Variants in RAB27B observed in about 807,000 individuals in gnomAD.
The protein encoded by RAB27B is ras-related protein Rab-27B.
RAB27B carries 15 observed loss-of-function variants against 24.6 expected under a neutral mutation model. That is an observed-to-expected ratio of 0.61 (90% CI 0.41 to 0.94). The LOEUF is 0.94. Ranked by LOEUF, RAB27B falls within the 40% of genes least tolerant of loss-of-function variation. RAB27B has a pLI of 0.00. For synonymous variants in RAB27B, 105 were observed against 92.5 expected (o/e 1.14, Z -0.78); for missense variants, 261 against 266.8 (o/e 0.98, Z 0.15).
intron 2 of RAB27B, among the ~76,000 whole-genome samples, chr18:54,753,180 G>T (rs950454700): frequency 3.3e-5 from 5 of 152,018 alleles, no homozygotes; most frequent in Admixed American, 1.3e-4. Context: ...TACATTTGGG[G>T]GTCACAAGAT....
intron 2 of RAB27B, among the ~76,000 whole-genome samples, chr18:54,741,963 T>G (rs1273705355): frequency 2.0e-5 from 3 of 152,236 alleles, no homozygotes; most frequent in Non-Finnish European, 4.4e-5. Context: ...ATTCTGACAT[T>G]CTACCTTCTG....
intron 2 of RAB27B, among the ~76,000 whole-genome samples, chr18:54,766,252 A>G (rs1354904908): frequency 1.3e-5 from 2 of 152,214 alleles, no homozygotes; most frequent in African/African-American, 4.8e-5. Context: ...CAAAGTCAAC[A>G]GGAAACACAG....
intron 3 of RAB27B, among the ~76,000 whole-genome samples, chr18:54,882,750 G>C (rs1368547662): frequency 6.6e-6 from 1 of 152,176 alleles, no homozygotes; most frequent in Non-Finnish European, 1.5e-5. Flanking sequence ...GGTAGTCAAA[G>C]GGATGAAGTT....
chr18:54,773,482 A>G (rs1469579503), intron 2 of RAB27B, among the ~76,000 whole-genome samples: 1 of 152,312 alleles, frequency 6.6e-6, no homozygotes, highest in Middle Eastern at 3.4e-3. Context: ...GTTTCATTCT[A>G]TGATGCAGTA....
chr18:54,771,952 A>C (rs1261338393), intron 2 of RAB27B, among the ~76,000 whole-genome samples: 1 of 152,182 alleles, frequency 6.6e-6, no homozygotes, highest in Non-Finnish European at 1.5e-5. Context: ...TATCATCTCT[A>C]TTACTTAATG....
At chr18:54,846,571 T>C (rs1911347656) in intron 1 of RAB27B, among the ~76,000 whole-genome samples, 1 of 152,180 alleles carries the variant, frequency 6.6e-6, no homozygotes, top group Non-Finnish European at 1.5e-5. Context: ...TAGAGAGAGT[T>C]AAAGTAGTTG....
intron 2 of RAB27B, among the ~76,000 whole-genome samples, chr18:54,800,778 A>T (rs1220866250): frequency 6.6e-6 from 1 of 151,910 alleles, no homozygotes; most frequent in Non-Finnish European, 1.5e-5. Context: ...TTTCCATTGT[A>T]GTCATTTTCT....
Position 54,743,582 on chromosome 18 carries a change from C to T in RAB27B, c.-20+25441C>T, listed in dbSNP as rs756737061. ...CAGACAATAAATGCGGGAAAAAGCA[C>T]CTAAGGCAGAGGGAATGATGACTGG... is the stretch of plus-strand genomic sequence containing the variant. On this transcript the variant is annotated intron_variant, in intron 2 of 4. Coordinates refer to the RAB27B transcript ENST00000586570. Among the ~76,000 whole-genome samples, 70 of 152,224 alleles carry T rather than the reference C, an allele frequency of 4.6e-4. 2 individuals are homozygous for T. Among genetic ancestry groups the T allele is most frequent in the Middle Eastern group, 3.4e-3 (1 of 294 alleles).
chr18:54,815,411 T>C (rs188174550), intron 2 of RAB27B, among the ~76,000 whole-genome samples: 6 of 152,316 alleles, frequency 3.9e-5, no homozygotes, highest in East Asian at 1.9e-4. Flanking sequence ...TCTTACCTCA[T>C]TGGCTAAAGG....
At chr18:54,827,585 C>T (rs1030161226), upstream of RAB27B, among the ~76,000 whole-genome samples, 1 of 152,116 alleles carries the variant, frequency 6.6e-6, no homozygotes, top group African/African-American at 2.4e-5. Flanking sequence ...AGCAGTGCCT[C>T]CCAGATTGTC....
Position 54,859,207 on chromosome 18 carries a change from G to A in RAB27B, c.-19-18360G>A, listed in dbSNP as rs552064165. ...CAGGCAAAGCTATTTCATAACAACT[G>A]TCTTATAACAAATCTTAATGTGTAA... On this transcript the variant is annotated intron_variant, in intron 1 of 5. Coordinates refer to ENST00000262094, the MANE Select transcript of RAB27B (RefSeq NM_004163.4). Among the ~76,000 whole-genome samples, 29 of 152,204 alleles carry A rather than the reference G, an allele frequency of 1.9e-4. 2 individuals are homozygous for A. In the South Asian group the frequency reaches 5.8e-3, roughly 31 times the overall value.
At chr18:54,845,992 A>C (rs73956709) in intron 1 of RAB27B, among the ~76,000 whole-genome samples, 1 of 152,192 alleles carries the variant, frequency 6.6e-6, no homozygotes, top group Non-Finnish European at 1.5e-5. Flanking sequence ...GGTGCTGTAC[A>C]TTCTTGTTTT....
intron 1 of RAB27B, among the ~76,000 whole-genome samples, chr18:54,838,472 C>T (rs1910980526): frequency 6.6e-6 from 1 of 152,144 alleles, no homozygotes; most frequent in African/African-American, 2.4e-5. Context: ...CTGGGTGCTT[C>T]ACACTCTCCA....
chr18:54,883,513 G>C (rs578118074), intron 3 of RAB27B, among the ~76,000 whole-genome samples: 1 of 152,206 alleles, frequency 6.6e-6, no homozygotes, highest in Admixed American at 6.5e-5. Context: ...GTGGTCTCTG[G>C]TTTTGCCCAT....
intron 2 of RAB27B, among the ~76,000 whole-genome samples, chr18:54,747,533 T>C (rs1910290862): frequency 6.6e-6 from 1 of 152,166 alleles, no homozygotes; most frequent in South Asian, 2.1e-4. Context: ...ATGACCACAG[T>C]GGATAATTCA....
chr18:54,808,157 G>A (rs576755062), intron 2 of RAB27B, among the ~76,000 whole-genome samples: 3 of 152,248 alleles, frequency 2.0e-5, no homozygotes, highest in African/African-American at 7.2e-5. Context: ...TCTACATATT[G>A]TTTGTAATCC....
At chr18:54,877,947 T>G (rs1181006153) in intron 2 of RAB27B, among the ~76,000 whole-genome samples, 1 of 152,154 alleles carries the variant, frequency 6.6e-6, no homozygotes, top group African/African-American at 2.4e-5. Context: ...CTCTCTTGTC[T>G]CCCAAAGTGT....
At chr18:54,796,759 G>C (rs909527454) in intron 2 of RAB27B, among the ~76,000 whole-genome samples, 1 of 152,170 alleles carries the variant, frequency 6.6e-6, no homozygotes, top group African/African-American at 2.4e-5. Flanking sequence ...TGCAACATTT[G>C]CGTGCAAGAA....
intron 2 of RAB27B, among the ~76,000 whole-genome samples, chr18:54,750,401 T>C (rs1471873397): frequency 6.6e-6 from 1 of 152,218 alleles, no homozygotes; most frequent in Non-Finnish European, 1.5e-5. Context: ...AACAACTGTA[T>C]AGAAATTGGA....
Sources: allele counts gnomAD v4.1 joint callset (sites outside exome capture counted in the v4.1 genomes callset), GRCh38; gene constraint gnomAD v4.1.1; transcripts MANE v1.5; gene names NCBI Gene and HGNC (gene_info 2026-07-23, HGNC 2026-07-21).